Variants in CAMSAP1 observed in about 807,000 individuals in gnomAD.
CAMSAP1 encodes the protein calmodulin-regulated spectrin-associated protein 1.
CAMSAP1 carries 58 observed loss-of-function variants against 143.5 expected under a neutral mutation model. The ratio of observed to expected loss-of-function variants is 0.40; its 90% CI spans 0.33 to 0.50. CAMSAP1 has a LOEUF of 0.50. CAMSAP1 is among the 20% of genes least tolerant of loss of function. CAMSAP1 has a pLI of 0.45. For synonymous variants in CAMSAP1, 945 were observed against 859.3 expected, an observed-to-expected ratio of 1.10 and a Z score of -1.74; for missense variants, 1,969 against 2,115.7, an observed-to-expected ratio of 0.93 and a Z score of 1.36.
intron 1 of CAMSAP1, among the ~76,000 whole-genome samples, chr9:135,898,135 G>A (rs962018466): frequency 1.3e-4 from 20 of 152,248 alleles, no homozygotes; most frequent in African/African-American, 2.9e-4. Flanking sequence ...AAATAAACCC[G>A]AAGGAAGCAG....
intron 1 of CAMSAP1, among the ~76,000 whole-genome samples, chr9:135,906,664 TC>T (rs1328022493): frequency 6.6e-6 from 1 of 151,648 alleles, no homozygotes; most frequent in East Asian, 1.9e-4. Flanking sequence ...CGGCCCCGCG[TC>T]CCCATGGTCC....
At chr9:135,891,666 T>C (rs1564460982) in intron 1 of CAMSAP1, among the ~76,000 whole-genome samples, 1 of 152,174 alleles carries the variant, frequency 6.6e-6, no homozygotes, top group African/African-American at 2.4e-5. Context: ...GCCCAATCCA[T>C]AATTATTCAA....
chr9:135,840,062 A>G (rs958364435), intron 7 of CAMSAP1, among the ~76,000 whole-genome samples: 1 of 152,162 alleles, frequency 6.6e-6, no homozygotes, highest in Non-Finnish European at 1.5e-5. Flanking sequence ...CCAACCAATC[A>G]CTAGGCAGCA....
chr9:135,843,445 C>T (rs1836436705), intron 7 of CAMSAP1, among the ~76,000 whole-genome samples: 1 of 152,106 alleles, frequency 6.6e-6, no homozygotes, highest in African/African-American at 2.4e-5. Context: ...GATGGAGGAA[C>T]ATTTACCAAG....
At chr9:135,869,369 G>A (rs991777392) in intron 3 of CAMSAP1, among the ~76,000 whole-genome samples, 7 of 151,994 alleles carry the variant, frequency 4.6e-5, no homozygotes, top group Non-Finnish European at 1.0e-4. Flanking sequence ...CAGGTGTGGT[G>A]GCTCACACCT....
chr9:135,810,787 G>C lies in CAMSAP1; in HGVS notation c.*522C>G, dbSNP rs1026270955. On this transcript the variant is annotated 3_prime_UTR_variant, in exon 17 of 17. Coordinates refer to ENST00000389532, the MANE Select transcript of CAMSAP1 (RefSeq NM_015447.4). ...ATCATACAATTTCTCAAATGAAAAA[G>C]ATTTCCCATTATGAATTCCTTTGCT... 1.3e-5 allele frequency: 2 copies of C among 153,472 alleles called. No homozygotes were observed. The highest frequency in any genetic ancestry group is 4.8e-5 in the African/African-American group (2 of 41,446). 9.5% of individuals were successfully genotyped at this position (153,472 alleles called of 1,614,324 possible). A position where few individuals can be genotyped will look rare whatever the true frequency, so the allele number is the denominator to read the frequency against.
intron 1 of CAMSAP1, among the ~76,000 whole-genome samples, chr9:135,894,140 A>G (rs945043731): frequency 2.6e-5 from 4 of 152,038 alleles, no homozygotes; most frequent in African/African-American, 7.2e-5. Flanking sequence ...CCCTACTAAC[A>G]ATCAGCAGGT....
At chr9:135,866,354 T>G in intron 4 of CAMSAP1, 102 bp downstream of exon 4, 1 of 677,778 alleles carries the variant, frequency 1.5e-6, no homozygotes, top group Non-Finnish European at 2.6e-6. Context: ...CTTTGGTGAG[T>G]AAAAATAGAG....
chr9:135,889,922 G>A (rs767868665), intron 1 of CAMSAP1, among the ~76,000 whole-genome samples: 3 of 152,190 alleles, frequency 2.0e-5, no homozygotes, highest in East Asian at 3.9e-4. Flanking sequence ...CTGAGCTCAC[G>A]AAGAAATCTC....
At chr9:135,864,050 A>T (rs1303341354) in intron 4 of CAMSAP1, among the ~76,000 whole-genome samples, 1 of 152,182 alleles carries the variant, frequency 6.6e-6, no homozygotes, top group Non-Finnish European at 1.5e-5. Flanking sequence ...AGACCTCTAA[A>T]TCTGTCCGTC....
At chr9:135,815,022 T>C (rs1169364414) in intron 16 of CAMSAP1, 75 bp downstream of exon 16, 1 of 1,085,982 alleles carries the variant, frequency 9.2e-7, no homozygotes, top group Non-Finnish European at 1.4e-6. Context: ...AGGGGTGTTT[T>C]CTTTTAAAAA....
At position 135,820,797 on chromosome 9, in the gene CAMSAP1, A is replaced by G; in HGVS notation, c.3822+42T>C. On this transcript the variant is annotated intron_variant, in intron 11 of 16. Coordinates refer to ENST00000389532, the MANE Select transcript of CAMSAP1 (RefSeq NM_015447.4). The surrounding 1 kb of genome is among the most constrained non-coding windows in gnomAD (Gnocchi z 4.4). ...TAACTCACTATCACGTGGGGTGGCA[A>G]CACATCACGAGTGCCTGAAACAGAT... The G allele has an allele frequency of 6.3e-7, 1 of 1,596,140 alleles. No individual in the cohort carries two copies. Among genetic ancestry groups the G allele is most frequent in the Non-Finnish European group, 8.5e-7 (1 of 1,172,860 alleles).
chr9:135,865,505 G>A (rs922644581), intron 4 of CAMSAP1: 78 of 720,106 alleles, frequency 1.1e-4, no homozygotes, highest in African/African-American at 1.0e-3. Flanking sequence ...TCTTCTAAGT[G>A]TACGTGGCCA....
chr9:135,855,920 C>T (rs1022981991), intron 5 of CAMSAP1, among the ~76,000 whole-genome samples: 27 of 151,924 alleles, frequency 1.8e-4, no homozygotes, highest in Non-Finnish European at 3.4e-4. Context: ...GGCGCGGTGG[C>T]GGGCGCCTGT....
chr9:135,818,955 C>G lies in CAMSAP1; in HGVS notation c.3959+55G>C, dbSNP rs1171152360. 1.9e-6 allele frequency: 3 copies of G among 1,585,758 alleles called. No homozygotes were observed. Among genetic ancestry groups the G allele is most frequent in the African/African-American group, 1.3e-5 (1 of 74,418 alleles). The stretch of plus-strand genomic sequence containing the variant: ...GTGCCAGCAACGGGACCGGGGCCGC[C>G]AGGGACCCACCAGGCTCCTGCTCAG... On this transcript the variant is annotated intron_variant, in intron 12 of 16. Coordinates refer to ENST00000389532, the MANE Select transcript of CAMSAP1 (RefSeq NM_015447.4). This position sits in a 1 kb window ranked among gnomAD's most constrained non-coding sequence, Gnocchi z 7.7.
intron 3 of CAMSAP1, among the ~76,000 whole-genome samples, chr9:135,869,322 AC>A (rs1201983336): frequency 6.6e-6 from 1 of 151,452 alleles, no homozygotes; most frequent in African/African-American, 2.4e-5. Context: ...GGGCAACATG[AC>A]GAAACCCTGT....
intron 4 of CAMSAP1, among the ~76,000 whole-genome samples, chr9:135,862,937 A>T (rs1588483767): frequency 6.6e-6 from 1 of 152,106 alleles, no homozygotes; most frequent in Non-Finnish European, 1.5e-5. Flanking sequence ...CAGAACACAC[A>T]CCTACACTAC....
chr9:135,823,199 T>TG lies in CAMSAP1; in HGVS notation c.1461dup (p.Ser488GlnfsTer23). On this transcript the variant is annotated frameshift_variant, in exon 11 of 17. Coordinates refer to ENST00000389532, the MANE Select transcript of CAMSAP1 (RefSeq NM_015447.4). LOFTEE classifies it high-confidence loss of function. ...GCCAAGCTGATGCTGTCGCCAGAGC[T>TG]GGGATCCACTTCACAACTCGCAGCG... is the stretch of plus-strand genomic sequence containing the variant. The TG allele has an allele frequency of 6.3e-7, 1 of 1,588,686 alleles. No homozygotes were observed. The highest frequency in any genetic ancestry group is 8.6e-7 in the Non-Finnish European group (1 of 1,165,970).
In CAMSAP1 at chr9:135,826,691, C is replaced by T. The variant is rs1158164353; in HGVS notation, c.1223+716G>A. Among the ~76,000 whole-genome samples the T allele has an allele frequency of 6.6e-6, 1 of 152,224 alleles. No homozygotes were observed. Among genetic ancestry groups the T allele is most frequent in the Non-Finnish European group, 1.5e-5 (1 of 68,044 alleles). On this transcript the variant is annotated intron_variant, in intron 8 of 16. Transcript: ENST00000389532. The surrounding 1 kb of genome is among the most constrained non-coding windows in gnomAD (Gnocchi z 4.4). ...TCTTAAATCCCAACTTAAATCGCCACATGTTAAAAATGTTTCTCCACTTTC... is the reference window on the plus strand; with the variant it reads ...TCTTAAATCCCAACTTAAATCGCCATATGTTAAAAATGTTTCTCCACTTTC...
Sources: gnomAD v4.1 joint callset for allele counts (sites outside exome capture counted in the v4.1 genomes callset) on GRCh38, gnomAD v4.1.1 for gene constraint, Gnocchi (gnomAD v3.1) non-coding constraint, MANE v1.5 for transcripts, NCBI Gene and HGNC (gene_info 2026-07-23, HGNC 2026-07-21) for gene names.